Variants in RPS6KC1 observed in about 807,000 individuals in gnomAD.
The protein encoded by RPS6KC1 is inactive ribosomal protein S6 kinase delta-1.
Under a neutral mutation model 103.8 loss-of-function variants are expected in RPS6KC1, and 54 were observed. That is an observed-to-expected ratio of 0.52 (90% CI 0.42 to 0.65). The LOEUF is 0.65. RPS6KC1 is among the 30% of genes least tolerant of loss of function. RPS6KC1 has a pLI of 0.00. For missense variants in RPS6KC1, 1,151 were observed against 1,253.8 expected (o/e 0.92, Z 1.24); for synonymous variants, 439 against 438.7 (o/e 1.00, Z -0.01).
intron 8 of RPS6KC1, among the ~76,000 whole-genome samples, chr1:213,224,188 G>T (rs1377276810): frequency 6.6e-6 from 1 of 151,816 alleles, no homozygotes; most frequent in Non-Finnish European, 1.5e-5. Flanking sequence ...TCTTTTCTTT[G>T]CAAAGATGGT....
the RPS6KC1 span, among the ~76,000 whole-genome samples, chr1:213,704,442 C>T: frequency 6.8e-6 from 1 of 147,268 alleles, no homozygotes; most frequent in Non-Finnish European, 1.5e-5. Flanking sequence ...ATGCCAGTTG[C>T]GTTTCTCACC....
At chr1:213,579,337 A>G in the RPS6KC1 span, among the ~76,000 whole-genome samples, 7 of 152,098 alleles carry the variant, frequency 4.6e-5, no homozygotes, top group African/African-American at 7.2e-5. Flanking sequence ...CTTCAATTCT[A>G]TGAAATCTGA....
the RPS6KC1 span, among the ~76,000 whole-genome samples, chr1:213,795,065 G>C: frequency 6.6e-6 from 1 of 152,176 alleles, no homozygotes; most frequent in African/African-American, 2.4e-5. Flanking sequence ...TAGCTGATGT[G>C]TTAAATTGAT....
the RPS6KC1 span, among the ~76,000 whole-genome samples, chr1:213,710,470 A>G: frequency 2.0e-5 from 3 of 152,020 alleles, no homozygotes; most frequent in Non-Finnish European, 4.4e-5. Context: ...TCTTTATCCA[A>G]TTTGCCACCT....
At chr1:213,848,529 A>G in the RPS6KC1 span, among the ~76,000 whole-genome samples, 1 of 152,114 alleles carries the variant, frequency 6.6e-6, no homozygotes, top group Non-Finnish European at 1.5e-5. Context: ...TAGTGTGTAT[A>G]TACTATATGT....
At chr1:213,215,565 A>G (rs1259340667) in intron 8 of RPS6KC1, among the ~76,000 whole-genome samples, 1 of 152,182 alleles carries the variant, frequency 6.6e-6, no homozygotes, top group Non-Finnish European at 1.5e-5. Flanking sequence ...CAACTCCAAG[A>G]CACATAATTG....
At chr1:213,495,071 T>C in the RPS6KC1 span, among the ~76,000 whole-genome samples, 2 of 152,170 alleles carry the variant, frequency 1.3e-5, no homozygotes, top group East Asian at 1.9e-4. Context: ...CTTTGAAGTA[T>C]AAAGGTAACA....
At chr1:213,087,784 G>T (rs2080548635) in intron 3 of RPS6KC1, among the ~76,000 whole-genome samples, 1 of 152,118 alleles carries the variant, frequency 6.6e-6, no homozygotes, top group Admixed American at 6.6e-5. Flanking sequence ...TAACTCTCTG[G>T]CTCCTTCTGT....
chr1:213,519,848 A>G, the RPS6KC1 span, among the ~76,000 whole-genome samples: 1 of 152,212 alleles, frequency 6.6e-6, no homozygotes, highest in Non-Finnish European at 1.5e-5. Context: ...AACAATATCA[A>G]TTGTAGCATA....
chr1:213,805,547 C>T, the RPS6KC1 span, among the ~76,000 whole-genome samples: 4 of 152,300 alleles, frequency 2.6e-5, no homozygotes, highest in South Asian at 6.2e-4. Flanking sequence ...AATTCTGGCC[C>T]ATCTTCAGGT....
chr1:213,275,928 T>C (rs1052564931), downstream of RPS6KC1, among the ~76,000 whole-genome samples: 1 of 152,208 alleles, frequency 6.6e-6, no homozygotes, highest in African/African-American at 2.4e-5. Flanking sequence ...CTTCTATTAA[T>C]TAACTGAACT....
intron 8 of RPS6KC1, among the ~76,000 whole-genome samples, chr1:213,183,335 A>C (rs2092374709): frequency 6.6e-6 from 1 of 151,998 alleles, no homozygotes; most frequent in Non-Finnish European, 1.5e-5. Context: ...TTTATAGAAC[A>C]CTCTACCTAA....
At chr1:213,474,190 C>A in the RPS6KC1 span, among the ~76,000 whole-genome samples, 1 of 152,134 alleles carries the variant, frequency 6.6e-6, no homozygotes, top group African/African-American at 2.4e-5. Context: ...GATGGAGCAA[C>A]TGCTCCTATC....
At chr1:213,580,988 T>C in the RPS6KC1 span, among the ~76,000 whole-genome samples, 1 of 152,046 alleles carries the variant, frequency 6.6e-6, no homozygotes, top group Non-Finnish European at 1.5e-5. Flanking sequence ...TGTACATAGG[T>C]AATTTGCAAA....
At chr1:213,129,448 A>G (rs2085342192) in intron 5 of RPS6KC1, 79 bp from the exon 6 acceptor site, 1 of 1,422,668 alleles carries the variant, frequency 7.0e-7, no homozygotes, top group Non-Finnish European at 9.5e-7. Flanking sequence ...AATATGAAAA[A>G]TGAATAATTA....
intron 10 of RPS6KC1, among the ~76,000 whole-genome samples, chr1:213,237,765 A>C (rs913180352): frequency 6.6e-6 from 1 of 152,138 alleles, no homozygotes; most frequent in African/African-American, 2.4e-5. Context: ...TAATTTTTAA[A>C]TCTTAAAATG....
the RPS6KC1 span, among the ~76,000 whole-genome samples, chr1:213,330,791 G>A: frequency 2.0e-5 from 3 of 152,178 alleles, no homozygotes; most frequent in Admixed American, 1.3e-4. Flanking sequence ...GAAGGTGAAC[G>A]GTGAGGAGTC....
the RPS6KC1 span, among the ~76,000 whole-genome samples, chr1:213,612,598 A>C: frequency 6.6e-6 from 1 of 152,254 alleles, no homozygotes; most frequent in African/African-American, 2.4e-5. Context: ...CAAGTGTCTC[A>C]CATGTGTAGA....
chr1:213,264,652 A>G (rs2149126548), intron 14 of RPS6KC1, among the ~76,000 whole-genome samples: 1 of 152,282 alleles, frequency 6.6e-6, no homozygotes, highest in South Asian at 2.1e-4. Flanking sequence ...TGCCTAAGGA[A>G]ACTACCACTC....
Sources: allele counts gnomAD v4.1 joint callset (sites outside exome capture counted in the v4.1 genomes callset), GRCh38; gene constraint gnomAD v4.1.1; transcripts MANE v1.5; gene names NCBI Gene and HGNC (gene_info 2026-07-23, HGNC 2026-07-21).